Variants in SLC1A5 observed in about 807,000 individuals in gnomAD.
The protein encoded by SLC1A5 is neutral amino acid transporter B(0).
In SLC1A5, 25 loss-of-function variants were observed where a neutral mutation model predicts 34.9. The observed-to-expected ratio is 0.72, with a 90% CI of 0.52 to 1.00. SLC1A5 has a LOEUF of 1.00. Among genes scored for constraint, SLC1A5 ranks in the 50% least tolerant of loss-of-function variants. SLC1A5 has a pLI of 0.00. For missense variants in SLC1A5, 637 were observed against 740.0 expected (o/e 0.86, Z 1.61); for synonymous variants, 351 against 341.2 (o/e 1.03, Z -0.32).
intron 5 of SLC1A5, among the ~76,000 whole-genome samples, chr19:46,778,165 A>G (rs2055111999): frequency 6.6e-6 from 1 of 152,210 alleles, no homozygotes; most frequent in Non-Finnish European, 1.5e-5. Flanking sequence ...ATGGCAGCTC[A>G]CACCTATAAT....
At position 46,787,329 on chromosome 19, in the gene SLC1A5, C is replaced by G; in HGVS notation, c.566+71G>C. 6.5e-7 allele frequency: 1 copy of G among 1,542,096 alleles called. No homozygotes were observed. The highest frequency in any genetic ancestry group is 8.7e-7 in the Non-Finnish European group (1 of 1,142,890). On this transcript the variant is annotated intron_variant, in intron 1 of 7. Transcript: ENST00000542575. This position sits in a 1 kb window ranked among gnomAD's most constrained non-coding sequence, Gnocchi z 5.2. ...CTCTGCTCCAGGGGCCCCAAAGCCC[C>G]GTCCTGTCCACGTGACCACTCCCGC...
In SLC1A5 at chr19:46,775,346, C is replaced by T. The variant is rs1253018308; in HGVS notation, c.*164G>A. 4 of 1,471,070 alleles carry T rather than the reference C, an allele frequency of 2.7e-6. No homozygotes were observed. Among genetic ancestry groups the T allele is most frequent in the Non-Finnish European group, 3.6e-6 (4 of 1,114,148 alleles). The allele number at this position is 1,471,070 out of a possible 1,614,324, so 91.1% of individuals were successfully genotyped here. A position where few individuals can be genotyped will look rare whatever the true frequency, so the allele number is the denominator to read the frequency against. ...ACCCTTGTGAACACATGTACTCCAGCAGCCAGGCATCCCAGATCTCCTGTC... is the reference window on the plus strand; with the variant it reads ...ACCCTTGTGAACACATGTACTCCAGTAGCCAGGCATCCCAGATCTCCTGTC... On this transcript the variant is annotated 3_prime_UTR_variant, in exon 8 of 8. Coordinates refer to ENST00000542575, the MANE Select transcript of SLC1A5 (RefSeq NM_005628.3).
chr19:46,776,728 C>T (rs2055092972), intron 7 of SLC1A5: 1 of 442,980 alleles, frequency 2.3e-6, no homozygotes, highest in East Asian at 3.9e-5. Flanking sequence ...GGATGTGAAC[C>T]TGAGCAGTCT....
intron 1 of SLC1A5, among the ~76,000 whole-genome samples, chr19:46,786,882 CG>C (rs1443273125): frequency 6.6e-6 from 1 of 152,110 alleles, no homozygotes; most frequent in Admixed American, 6.5e-5. Flanking sequence ...GGGCGGGAAG[CG>C]GAGGCCAAAA....
chr19:46,788,470 G>C lies in SLC1A5; in HGVS notation c.-505C>G, dbSNP rs2055202614. 1 of 154,262 alleles carries C rather than the reference G, an allele frequency of 6.5e-6. No individual in the cohort carries two copies. Among genetic ancestry groups the C allele is most frequent in the Non-Finnish European group, 1.4e-5 (1 of 69,604 alleles). The allele number at this position is 154,262 out of a possible 1,614,324, so 9.6% of individuals were successfully genotyped here. On this transcript the variant is annotated 5_prime_UTR_variant, in exon 1 of 8. Transcript: ENST00000542575. ...CCGGGAAGCGGACCTCCGGAAACAGGGGACCCAGGCTCTTAGGTCCGGGAG... is the reference window on the plus strand; with the variant it reads ...CCGGGAAGCGGACCTCCGGAAACAGCGGACCCAGGCTCTTAGGTCCGGGAG...
chr19:46,785,897 T>C (rs977950646), intron 1 of SLC1A5, among the ~76,000 whole-genome samples: 3 of 152,040 alleles, frequency 2.0e-5, no homozygotes, highest in African/African-American at 4.8e-5. Context: ...CTGGCCAACA[T>C]GGCAAAACCC....
intron 4 of SLC1A5, among the ~76,000 whole-genome samples, chr19:46,779,913 C>T (rs1568428767): frequency 1.3e-5 from 2 of 150,980 alleles, no homozygotes; most frequent in Non-Finnish European, 1.5e-5. Context: ...AGTGCAGTGG[C>T]ATGATCTCGG....
At position 46,775,465 on chromosome 19, in the gene SLC1A5, T is replaced by C. The variant is rs1384165667; in HGVS notation, c.*45A>G. On this transcript the variant is annotated 3_prime_UTR_variant, in exon 8 of 8. Transcript: ENST00000542575. Reference sequence around the variant, plus strand: ...TTTATCCATTCCTCATAATCCAGTGTCCAAAGAGCACCCCCAGCAGGGCAG... The same window carrying C: ...TTTATCCATTCCTCATAATCCAGTGCCCAAAGAGCACCCCCAGCAGGGCAG... The C allele has an allele frequency of 1.9e-6, 3 of 1,565,794 alleles. No homozygotes were observed. Among genetic ancestry groups the C allele is most frequent in the African/African-American group, 1.4e-5 (1 of 73,612 alleles).
At chr19:46,782,346 A>AACCCCCCCCCCCCCCCCCCCCCCT in intron 4 of SLC1A5, 37 bp downstream of exon 4, 7 of 567,986 alleles carry the variant, frequency 1.2e-5, no homozygotes, top group Admixed American at 8.2e-5. Context: ...CGACCCTCCA[A>AACCCCCCCCCCCCCCCCCCCCCCT]CCCCACCCAC....
Position 46,784,179 on chromosome 19 carries a change from G to A in SLC1A5, c.610-35C>T, listed in dbSNP as rs201014634. On this transcript the variant is annotated intron_variant, in intron 2 of 7. Coordinates refer to ENST00000542575, the MANE Select transcript of SLC1A5 (RefSeq NM_005628.3). ...GGGTTGGGAAGAGTCAGTGTCCATC[G>A]TTACCAGGGCCTCCCAACCCCATGC... The A allele has an allele frequency of 1.0e-3, 1,579 of 1,528,388 alleles. 5 individuals carry two copies. Among genetic ancestry groups the A allele is most frequent in the Non-Finnish European group, 1.2e-3 (1,300 of 1,104,020 alleles). 94.7% of individuals were successfully genotyped at this position (1,528,388 alleles called of 1,614,324 possible).
chr19:46,782,921 T>C (rs1221346046), intron 3 of SLC1A5, among the ~76,000 whole-genome samples: 1 of 152,106 alleles, frequency 6.6e-6, no homozygotes, highest in African/African-American at 2.4e-5. Flanking sequence ...AAGCAGAATG[T>C]GCAACAGCCT....
chr19:46,778,635 C>G (rs748353574), intron 5 of SLC1A5, 40 bp downstream of exon 5: 8 of 1,372,960 alleles, frequency 5.8e-6, no homozygotes, highest in Non-Finnish European at 8.2e-6. Context: ...TGCCGCTTAG[C>G]GGATTAAACA....
Position 46,782,432 on chromosome 19 carries a change from A to C in SLC1A5, c.775T>G (p.Phe259Val). ...ATGGTGGCCTCATTGAAGGAGTTGA[A>C]GAAGCGGATAAGCAGCTCCCCTTCA... ...GPEGELLIRF[F>V]NSFNEATMVL... The change falls in exon 4 of 8, where the codon TTC becomes GTC. Residue 259 changes from phenylalanine to valine, a missense_variant. By Grantham distance (50) the Phe-to-Val change is conservative (BLOSUM62 -1). Coordinates refer to ENST00000542575, the MANE Select transcript of SLC1A5 (RefSeq NM_005628.3). 1 of 1,599,560 alleles carries C rather than the reference A, an allele frequency of 6.3e-7. No homozygotes were observed. The highest frequency in any genetic ancestry group is 8.5e-7 in the Non-Finnish European group (1 of 1,171,458).
At chr19:46,784,481 C>T in intron 2 of SLC1A5, 36 bp downstream of exon 2, 1 of 1,613,072 alleles carries the variant, frequency 6.2e-7, no homozygotes, top group Non-Finnish European at 8.5e-7. Flanking sequence ...CCTCCCTGTC[C>T]ACCCCCATCC....
intron 2 of SLC1A5, 37 bp downstream of exon 2, chr19:46,784,480 C>T (rs777771660): frequency 6.2e-7 from 1 of 1,613,062 alleles, no homozygotes; most frequent in East Asian, 2.2e-5. Context: ...CCCTCCCTGT[C>T]CACCCCCATC....
At chr19:46,781,893 G>A (rs76579975) in intron 4 of SLC1A5, among the ~76,000 whole-genome samples, 88 of 152,198 alleles carry the variant, frequency 5.8e-4, no homozygotes, top group African/African-American at 2.0e-3. Flanking sequence ...TCCGTGTACC[G>A]TATTCACTTT....
chr19:46,788,051 G>A lies in SLC1A5; in HGVS notation c.-86C>T. ...CCCAGGACCCGACGTTCCTAGGACT[G>A]AGTTGAGTAACAGCACCTGGAGACT... On this transcript the variant is annotated 5_prime_UTR_variant, in exon 1 of 8. Transcript: ENST00000542575. 2 of 1,295,014 alleles carry A rather than the reference G, an allele frequency of 1.5e-6. No homozygotes were observed. Among genetic ancestry groups the A allele is most frequent in the Non-Finnish European group, 2.1e-6 (2 of 959,354 alleles). The allele number at this position is 1,295,014 out of a possible 1,614,324, so 80.2% of individuals were successfully genotyped here.
chr19:46,781,150 C>G (rs138871416), intron 4 of SLC1A5, among the ~76,000 whole-genome samples: 1 of 152,316 alleles, frequency 6.6e-6, no homozygotes, highest in East Asian at 1.9e-4. Flanking sequence ...ACACAACACC[C>G]AATAGATTCC....
chr19:46,785,835 T>C (rs540380425), intron 1 of SLC1A5, among the ~76,000 whole-genome samples: 25 of 152,080 alleles, frequency 1.6e-4, no homozygotes, highest in African/African-American at 5.5e-4. Flanking sequence ...ATTCCAGCCT[T>C]TTGGGAGGCT....
Sources: allele counts gnomAD v4.1 joint callset (sites outside exome capture counted in the v4.1 genomes callset), GRCh38; gene constraint gnomAD v4.1.1; non-coding constraint Gnocchi (gnomAD v3.1); transcripts MANE v1.5; gene names NCBI Gene and HGNC (gene_info 2026-07-23, HGNC 2026-07-21).